The following C5AR1 variants were observed in gnomAD, a reference collection of about 807,000 sequenced individuals.
C5AR1 encodes the protein complement C5a receptor 1, also known as C5a anaphylatoxin chemotactic receptor 1.
C5AR1 carries 4 observed loss-of-function variants against 2.4 expected under a neutral mutation model. The ratio of observed to expected loss-of-function variants is 1.65; its 90% CI spans 0.81 to 3.77. C5AR1 has a LOEUF of 3.77. Among genes scored for constraint, C5AR1 ranks in the 30% most tolerant of loss-of-function variants. The probability of loss-of-function intolerance (pLI) is 0.01; values close to 1 mark genes in which losing one functional copy is unlikely to be tolerated. For missense variants in C5AR1, 418 were observed against 462.5 expected (o/e 0.90, Z 0.88); for synonymous variants, 209 against 210.4 (o/e 0.99, Z 0.06).
upstream of C5AR1, among the ~76,000 whole-genome samples, chr19:47,308,212 C>CAAAAAAA (rs1051683773): frequency 3.7e-5 from 2 of 54,058 alleles, no homozygotes; most frequent in South Asian, 8.0e-4. Context: ...GACTCCATCT[C>CAAAAAAA]AAAAAAAAAA....
Position 47,320,523 on chromosome 19 carries a change from C to T in C5AR1, c.746C>T (p.Ala249Val), listed in dbSNP as rs199646949. The T allele has an allele frequency of 6.2e-7, 1 of 1,613,758 alleles. No individual in the cohort carries two copies. The highest frequency in any genetic ancestry group is 8.5e-7 in the Non-Finnish European group (1 of 1,179,960). Residue 249 changes from alanine to valine, a missense_variant, in exon 2 of 2, where the codon GCC becomes GTC. Coordinates refer to ENST00000355085, the MANE Select transcript of C5AR1 (RefSeq NM_001736.4). The surrounding 1 kb of genome is among the most constrained non-coding windows in gnomAD (Gnocchi z 4.9). Reference protein sequence around the residue: ...KTLKVVVAVVASFFIFWLPYQ... With the variant: ...KTLKVVVAVVVSFFIFWLPYQ... Reference sequence around the variant, plus strand: ...CTCAAGGTGGTGGTGGCAGTGGTGGCCAGTTTCTTTATCTTCTGGTTGCCC... The same window carrying T: ...CTCAAGGTGGTGGTGGCAGTGGTGGTCAGTTTCTTTATCTTCTGGTTGCCC...
chr19:47,318,375 C>T (rs2059296759), intron 1 of C5AR1, among the ~76,000 whole-genome samples: 1 of 151,692 alleles, frequency 6.6e-6, no homozygotes, highest in South Asian at 2.1e-4. Context: ...CTCATTGCAA[C>T]TTCCACCTCC....
intron 1 of C5AR1, among the ~76,000 whole-genome samples, chr19:47,313,490 T>G (rs902990587): frequency 6.6e-6 from 1 of 150,494 alleles, no homozygotes; most frequent in African/African-American, 2.4e-5. Flanking sequence ...GGCTCATGCC[T>G]GTAATCCCAG....
intron 1 of C5AR1, among the ~76,000 whole-genome samples, chr19:47,310,263 T>C (rs1321664767): frequency 1.3e-5 from 2 of 151,956 alleles, no homozygotes; most frequent in South Asian, 2.1e-4. Context: ...TCCCAGCACA[T>C]TGGGGATTGT....
rs202150700 is a variant in C5AR1 at position 47,320,743 on chromosome 19, G to A, written c.966G>A (p.Val322=). 2.0e-5 allele frequency: 32 copies of A among 1,614,006 alleles called. No individual in the cohort carries two copies. Among genetic ancestry groups the A allele is most frequent in the Non-Finnish European group, 2.6e-5 (31 of 1,180,050 alleles). ...RKSLPSLLRN[V]LTEESVVRES... ...CCCTCCCCAGCCTCCTCCGGAACGT[G>A]TTGACTGAAGAGTCCGTGGTTAGGG... The change falls in exon 2 of 2, where the codon GTG becomes GTA. Residue 322 remains valine, a synonymous_variant. Coordinates refer to ENST00000355085, the MANE Select transcript of C5AR1 (RefSeq NM_001736.4). This position sits in a 1 kb window ranked among gnomAD's most constrained non-coding sequence, Gnocchi z 4.9.
chr19:47,318,901 T>TC, intron 1 of C5AR1, among the ~76,000 whole-genome samples: 1 of 148,676 alleles, frequency 6.7e-6, no homozygotes, highest in Non-Finnish European at 1.5e-5. Context: ...TTTTTTTTTT[T>TC]TTTAGATGGA....
At chr19:47,308,949 A>AT (rs1217996039), upstream of C5AR1, among the ~76,000 whole-genome samples, 1 of 151,826 alleles carries the variant, frequency 6.6e-6, no homozygotes, top group Non-Finnish European at 1.5e-5. Context: ...TAATTTTTGT[A>AT]TTTTTAGTAG....
intron 1 of C5AR1, among the ~76,000 whole-genome samples, chr19:47,313,773 G>GGGCTCAGC (rs2059277960): frequency 6.6e-6 from 1 of 151,826 alleles, no homozygotes; most frequent in Non-Finnish European, 1.5e-5. Flanking sequence ...GAGGGCTCTG[G>GGGCTCAGC]GGCTCAGCTC....
At position 47,320,823 on chromosome 19, in the gene C5AR1, C is replaced by A; in HGVS notation, c.1046C>A (p.Ala349Glu). The change falls in exon 2 of 2, where the codon GCA becomes GAA. Residue 349 changes from alanine to glutamate, a missense_variant. Physicochemically the swap from Ala to Glu is moderately radical, Grantham distance 107 (BLOSUM62 -1). Coordinates refer to ENST00000355085, the MANE Select transcript of C5AR1 (RefSeq NM_001736.4). The surrounding 1 kb of genome is among the most constrained non-coding windows in gnomAD (Gnocchi z 4.9). Reference sequence around the variant, plus strand: ...GACACTATGGCCCAGAAGACCCAGGCAGTGTAGGCGACAGCCTCATGGGCC... The same window carrying A: ...GACACTATGGCCCAGAAGACCCAGGAAGTGTAGGCGACAGCCTCATGGGCC... ...TVDTMAQKTQ[A>E]V 1 of 1,608,046 alleles carries A rather than the reference C, an allele frequency of 6.2e-7. No individual in the cohort carries two copies. Among genetic ancestry groups the A allele is most frequent in the South Asian group, 1.1e-5 (1 of 90,868 alleles).
At chr19:47,315,964 C>T in intron 1 of C5AR1, among the ~76,000 whole-genome samples, 1 of 151,760 alleles carries the variant, frequency 6.6e-6, no homozygotes, top group Admixed American at 6.6e-5. Flanking sequence ...TCCATCTGTC[C>T]ATCGATTCAT....
chr19:47,311,811 C>A (rs1209146287), intron 1 of C5AR1, among the ~76,000 whole-genome samples: 1 of 151,922 alleles, frequency 6.6e-6, no homozygotes, highest in Non-Finnish European at 1.5e-5. Context: ...CGTGATCCAC[C>A]CACATTGGTC....
chr19:47,308,235 A>AG (rs2059259733), upstream of C5AR1, among the ~76,000 whole-genome samples: 1 of 148,970 alleles, frequency 6.7e-6, no homozygotes, highest in Non-Finnish European at 1.5e-5. Flanking sequence ...AAAAAAAAAA[A>AG]GAGCATGAAC....
intron 1 of C5AR1, among the ~76,000 whole-genome samples, chr19:47,311,731 A>G (rs1599728807): frequency 6.6e-6 from 1 of 151,708 alleles, no homozygotes; most frequent in Admixed American, 6.6e-5. Flanking sequence ...CGCCTGGCTA[A>G]TTTTTTGTCT....
intron 1 of C5AR1, among the ~76,000 whole-genome samples, chr19:47,314,022 A>T (rs1237490617): frequency 6.6e-6 from 1 of 152,030 alleles, no homozygotes; most frequent in Non-Finnish European, 1.5e-5. Context: ...CCCTGTTCTC[A>T]TCCGATCGTT....
At chr19:47,311,881 A>G (rs2059272143) in intron 1 of C5AR1, among the ~76,000 whole-genome samples, 1 of 151,684 alleles carries the variant, frequency 6.6e-6, no homozygotes, top group African/African-American at 2.4e-5. Flanking sequence ...ACTCCTTTTC[A>G]TTGCCTCCTA....
intron 1 of C5AR1, among the ~76,000 whole-genome samples, chr19:47,310,963 C>T (rs1228986016): frequency 1.3e-5 from 2 of 152,168 alleles, no homozygotes; most frequent in African/African-American, 2.4e-5. Flanking sequence ...GTCATCCCTG[C>T]GTCTGGAGGC....
Position 47,313,836 on chromosome 19 carries a change from G to A in C5AR1, c.3+3938G>A, listed in dbSNP as rs950045940. Among the ~76,000 whole-genome samples the A allele has an allele frequency of 2.0e-5, 3 of 152,012 alleles. No individual in the cohort carries two copies. In the East Asian group the frequency reaches 5.8e-4, roughly 29 times the overall value. On this transcript the variant is annotated intron_variant, in intron 1 of 1. Coordinates refer to ENST00000355085, the MANE Select transcript of C5AR1 (RefSeq NM_001736.4). ...TTGCTAACCGAGAAGACTTGGAGAG[G>A]TCTGTTCATTTCTCTGTAGCCTCAT...
chr19:47,312,237 C>T (rs1230847320), intron 1 of C5AR1, among the ~76,000 whole-genome samples: 1 of 152,062 alleles, frequency 6.6e-6, no homozygotes, highest in Non-Finnish European at 1.5e-5. Context: ...AGGTGCCTGC[C>T]ACCATGCCTG....
In C5AR1 at chr19:47,320,802, C is replaced by G; in HGVS notation, c.1025C>G (p.Thr342Ser). Residue 342 changes from threonine to serine, a missense_variant, in exon 2 of 2, where the codon ACT becomes AGT. Physicochemically the swap from Thr to Ser is moderately conservative, Grantham distance 58 (BLOSUM62 1). Transcript: ENST00000355085. The surrounding 1 kb of genome is among the most constrained non-coding windows in gnomAD (Gnocchi z 4.9). Reference sequence around the variant, plus strand: ...TCATTCACGCGCTCCACAGTGGACACTATGGCCCAGAAGACCCAGGCAGTG... The same window carrying G: ...TCATTCACGCGCTCCACAGTGGACAGTATGGCCCAGAAGACCCAGGCAGTG... ...SKSFTRSTVDTMAQKTQAV is the reference protein window; with the variant it reads ...SKSFTRSTVDSMAQKTQAV 2 of 1,612,804 alleles carry G rather than the reference C, an allele frequency of 1.2e-6. No homozygotes were observed. Among genetic ancestry groups the G allele is most frequent in the Non-Finnish European group, 8.5e-7 (1 of 1,178,974 alleles).
Sources: allele counts gnomAD v4.1 joint callset (sites outside exome capture counted in the v4.1 genomes callset), GRCh38; gene constraint gnomAD v4.1.1; non-coding constraint Gnocchi (gnomAD v3.1); transcripts MANE v1.5; gene names NCBI Gene and HGNC (gene_info 2026-07-23, HGNC 2026-07-21).